Variants in MAGI1 observed in about 807,000 individuals in gnomAD.
MAGI1 encodes membrane-associated guanylate kinase, WW and PDZ domain-containing protein 1.
Under a neutral mutation model 139.9 loss-of-function variants are expected in MAGI1, and 58 were observed. That is an observed-to-expected ratio of 0.41 (90% CI 0.34 to 0.52). The LOEUF is 0.52. Among genes scored for constraint, MAGI1 ranks in the 20% least tolerant of loss-of-function variants. The probability of loss-of-function intolerance (pLI) is 0.12; values close to 1 mark genes in which losing one functional copy is unlikely to be tolerated. For synonymous variants in MAGI1, 812 were observed against 737.9 expected, an observed-to-expected ratio of 1.10 and a Z score of -1.63; for missense variants, 1,874 against 1,901.6, an observed-to-expected ratio of 0.99 and a Z score of 0.27.
intron 12 of MAGI1, chr3:65,401,774 G>C: frequency 7.2e-7 from 1 of 1,388,288 alleles, no homozygotes; most frequent in South Asian, 1.5e-5. Context: ...CACTTGGACA[G>C]AATCTCAAAT....
chr3:65,535,248 G>T (rs1305969888), intron 2 of MAGI1, among the ~76,000 whole-genome samples: 2 of 152,200 alleles, frequency 1.3e-5, no homozygotes, highest in South Asian at 4.2e-4. Flanking sequence ...CTAAAAGCCT[G>T]GTGCAGGAAT....
At chr3:65,683,815 G>A (rs1454327593) in intron 1 of MAGI1, among the ~76,000 whole-genome samples, 2 of 151,962 alleles carry the variant, frequency 1.3e-5, no homozygotes, top group African/African-American at 4.8e-5. Flanking sequence ...TGGCAAGGAT[G>A]TGAAAAATCT....
intron 13 of MAGI1, among the ~76,000 whole-genome samples, chr3:65,395,635 T>G (rs867675737): frequency 3.7e-4 from 1 of 2,686 alleles, no homozygotes; most frequent in African/African-American, 7.6e-4. Flanking sequence ...AGACTCCATC[T>G]CAAAAAAAAA....
chr3:65,648,851 C>T (rs2085424195), intron 1 of MAGI1, among the ~76,000 whole-genome samples: 1 of 152,128 alleles, frequency 6.6e-6, no homozygotes, highest in Non-Finnish European at 1.5e-5. Flanking sequence ...GATGGGGATG[C>T]AGACACACAG....
At chr3:65,730,525 T>C (rs1015788768) in intron 1 of MAGI1, among the ~76,000 whole-genome samples, 2 of 152,212 alleles carry the variant, frequency 1.3e-5, no homozygotes, top group African/African-American at 4.8e-5. Flanking sequence ...GGGTCGCATA[T>C]ACAACTCTAG....
chr3:65,406,390 A>G (rs1426623675), intron 12 of MAGI1, among the ~76,000 whole-genome samples: 4 of 152,226 alleles, frequency 2.6e-5, no homozygotes, highest in African/African-American at 9.6e-5. Context: ...AACCAACCTC[A>G]CTAACTGAAT....
chr3:65,569,323 T>C (rs934474228), intron 2 of MAGI1, among the ~76,000 whole-genome samples: 1 of 152,110 alleles, frequency 6.6e-6, no homozygotes, highest in African/African-American at 2.4e-5. Flanking sequence ...ATAGTTTCAG[T>C]GTAGGATGAT....
intron 2 of MAGI1, among the ~76,000 whole-genome samples, chr3:65,587,478 T>A (rs1249808496): frequency 7.0e-6 from 1 of 143,800 alleles, no homozygotes; most frequent in East Asian, 2.1e-4. Context: ...ATTACTTTTT[T>A]CTTTTTTTTT....
chr3:65,907,279 A>G (rs779966211), intron 1 of MAGI1, among the ~76,000 whole-genome samples: 2 of 152,204 alleles, frequency 1.3e-5, no homozygotes, highest in African/African-American at 2.4e-5. Context: ...TGTTATTCCC[A>G]TGGATCCTTG....
At chr3:65,930,112 C>G (rs1438275554) in intron 1 of MAGI1, among the ~76,000 whole-genome samples, 5 of 150,374 alleles carry the variant, frequency 3.3e-5, no homozygotes, top group Admixed American at 1.3e-4. Flanking sequence ...GTCAGGAGAT[C>G]GAGACCATCC....
intron 2 of MAGI1, among the ~76,000 whole-genome samples, chr3:65,515,551 G>T (rs1366696116): frequency 6.6e-6 from 1 of 152,154 alleles, no homozygotes; most frequent in African/African-American, 2.4e-5. Context: ...TTTGGTAGTT[G>T]TCCCTTATTT....
intron 1 of MAGI1, among the ~76,000 whole-genome samples, chr3:65,992,753 G>T (rs139238034): frequency 0.011 from 1,677 of 152,238 alleles, 28 homozygotes; most frequent in African/African-American, 0.033. Context: ...AGACAACAAG[G>T]GAACAAGGGG....
rs905239571 is a variant in MAGI1 at position 65,614,266 on chromosome 3, A to G, written c.430+7706T>C. Among the ~76,000 whole-genome samples, 15 of 152,314 alleles carry G rather than the reference A, an allele frequency of 9.8e-5. No individual in the cohort carries two copies. In the South Asian group the frequency reaches 2.9e-3, roughly 29 times the overall value. Reference sequence around the variant, plus strand: ...CTGAAGGTGCTGGAAGGGCCTTTCCAGTGGTTCTCTTTTCCATTACATACG... The same window carrying G: ...CTGAAGGTGCTGGAAGGGCCTTTCCGGTGGTTCTCTTTTCCATTACATACG... On this transcript the variant is annotated intron_variant, in intron 2 of 22. Transcript: ENST00000402939.
intron 2 of MAGI1, among the ~76,000 whole-genome samples, chr3:65,504,669 G>A (rs2077208746): frequency 6.6e-6 from 1 of 152,146 alleles, no homozygotes; most frequent in Non-Finnish European, 1.5e-5. Flanking sequence ...GCAGGGAGCT[G>A]ATGGAGTTGA....
chr3:65,823,133 C>T (rs2042037142), intron 1 of MAGI1, among the ~76,000 whole-genome samples: 2 of 152,108 alleles, frequency 1.3e-5, no homozygotes, highest in African/African-American at 4.8e-5. Context: ...ATTTAAAATA[C>T]CCCTCTTAGA....
chr3:65,723,053 G>A (rs911204508), intron 1 of MAGI1, among the ~76,000 whole-genome samples: 4 of 152,070 alleles, frequency 2.6e-5, no homozygotes, highest in Non-Finnish European at 5.9e-5. Flanking sequence ...CATCCCTCAT[G>A]GACTTAGGTT....
At chr3:65,731,948 A>T (rs1403682077) in intron 1 of MAGI1, among the ~76,000 whole-genome samples, 2 of 152,194 alleles carry the variant, frequency 1.3e-5, no homozygotes, top group Non-Finnish European at 2.9e-5. Flanking sequence ...GTCAGAGTTG[A>T]TTACTTGTGG....
chr3:65,948,515 C>A (rs981779693), intron 1 of MAGI1, among the ~76,000 whole-genome samples: 124 of 152,254 alleles, frequency 8.1e-4, no homozygotes, highest in African/African-American at 2.7e-3. Flanking sequence ...GATTAAAAAT[C>A]ACTTGGCCGG....
At chr3:65,942,686 G>C (rs1209014169) in intron 1 of MAGI1, among the ~76,000 whole-genome samples, 1 of 152,164 alleles carries the variant, frequency 6.6e-6, no homozygotes. Flanking sequence ...ACCCTAGAGG[G>C]TTGTTATGCA....
Sources: gnomAD v4.1 joint callset for allele counts (sites outside exome capture counted in the v4.1 genomes callset) on GRCh38, gnomAD v4.1.1 for gene constraint, MANE v1.5 for transcripts, NCBI Gene and HGNC (gene_info 2026-07-23, HGNC 2026-07-21) for gene names.